The following SHQ1 variants were observed in gnomAD, a reference collection of about 807,000 sequenced individuals.
SHQ1 encodes the protein SHQ1, H/ACA ribonucleoprotein assembly factor.
In SHQ1, 49 loss-of-function variants were observed where a neutral mutation model predicts 53.8. That is an observed-to-expected ratio of 0.91 (90% CI 0.72 to 1.16). SHQ1 has a LOEUF of 1.16. Among genes scored for constraint, SHQ1 ranks in the 50% most tolerant of loss-of-function variants. SHQ1 has a pLI of 0.00. For missense variants in SHQ1, 738 were observed against 683.1 expected (o/e 1.08, Z -0.90); for synonymous variants, 243 against 251.0 (o/e 0.97, Z 0.30).
chr3:72,750,746 T>G lies in SHQ1; in HGVS notation c.1272A>C (p.Ala424=). ...QLGLELEELE[A]AALLVQEEET... ...CTTCCTCCTGGACAAGCAGTGCTGC[T>G]GCTTCTAGTTCTTCCAGTTCTAACC... The change falls in exon 11 of 11, where the codon GCA becomes GCC. Residue 424 remains alanine (A), a synonymous_variant. Coordinates refer to ENST00000325599, the MANE Select transcript of SHQ1 (RefSeq NM_018130.3). The G allele has an allele frequency of 6.4e-7, 1 of 1,553,412 alleles. No homozygotes were observed. The highest frequency in any genetic ancestry group is 8.7e-7 in the Non-Finnish European group (1 of 1,147,818).
intron 10 of SHQ1, among the ~76,000 whole-genome samples, chr3:72,757,743 T>C (rs1705527983): frequency 6.6e-6 from 1 of 152,152 alleles, no homozygotes; most frequent in African/African-American, 2.4e-5. Context: ...AATTACCGCA[T>C]GTTGTCACTT....
intron 4 of SHQ1, among the ~76,000 whole-genome samples, chr3:72,837,590 C>T (rs1348629695): frequency 2.0e-5 from 3 of 152,200 alleles, no homozygotes; most frequent in Non-Finnish European, 4.4e-5. Flanking sequence ...GTATGGACAT[C>T]TCTTCATCTA....
At chr3:72,729,768 A>T in the SHQ1 span, among the ~76,000 whole-genome samples, 55 of 152,186 alleles carry the variant, frequency 3.6e-4, no homozygotes, top group Non-Finnish European at 7.5e-4. Flanking sequence ...TCAAAAGCAA[A>T]ATTCCACAAA....
At chr3:72,759,155 A>T (rs189550271) in intron 10 of SHQ1, among the ~76,000 whole-genome samples, 1 of 152,278 alleles carries the variant, frequency 6.6e-6, no homozygotes, top group African/African-American at 2.4e-5. Flanking sequence ...CTCTAGCATG[A>T]CCTCATCTTA....
At chr3:72,796,186 G>A (rs1314809816) in intron 9 of SHQ1, among the ~76,000 whole-genome samples, 4 of 151,426 alleles carry the variant, frequency 2.6e-5, no homozygotes, top group African/African-American at 9.7e-5. Flanking sequence ...AAGAGTTCAT[G>A]TAAGGAAAAA....
intron 10 of SHQ1, chr3:72,772,477 A>C (rs1705875788): frequency 2.0e-6 from 1 of 497,490 alleles, no homozygotes; most frequent in African/African-American, 1.9e-5. Flanking sequence ...GGATCTTCAA[A>C]TGCACATACA....
the SHQ1 span, among the ~76,000 whole-genome samples, chr3:72,728,715 G>T: frequency 6.6e-6 from 1 of 152,188 alleles, no homozygotes; most frequent in African/African-American, 2.4e-5. Context: ...CTGGAAAAGG[G>T]ATGCAATTGC....
chr3:72,796,762 G>T (rs1706637719), intron 9 of SHQ1, among the ~76,000 whole-genome samples: 1 of 152,012 alleles, frequency 6.6e-6, no homozygotes, highest in African/African-American at 2.4e-5. Context: ...GGACGTTGCA[G>T]TGAGCAGAGA....
intron 4 of SHQ1, among the ~76,000 whole-genome samples, chr3:72,839,594 T>A (rs1708099255): frequency 6.6e-6 from 1 of 152,212 alleles, no homozygotes; most frequent in African/African-American, 2.4e-5. Context: ...CAAATTTATC[T>A]CCACTTTCCA....
the SHQ1 span, among the ~76,000 whole-genome samples, chr3:72,739,648 A>C: frequency 6.6e-6 from 1 of 151,998 alleles, no homozygotes; most frequent in East Asian, 1.9e-4. Flanking sequence ...GCTCCTCTGA[A>C]AATCAGAGGC....
chr3:72,792,494 A>T (rs559460229), intron 10 of SHQ1, among the ~76,000 whole-genome samples: 6 of 152,168 alleles, frequency 3.9e-5, no homozygotes, highest in South Asian at 2.1e-4. Context: ...TCTCATTAAA[A>T]CTTATTCCTG....
intron 5 of SHQ1, among the ~76,000 whole-genome samples, chr3:72,825,998 A>C (rs921344741): frequency 1.3e-5 from 2 of 152,144 alleles, no homozygotes; most frequent in African/African-American, 4.8e-5. Flanking sequence ...CAATATCCTC[A>C]TTTTACAAAG....
At chr3:72,825,361 T>TACACACACACACACACAC (rs61048915) in intron 5 of SHQ1, among the ~76,000 whole-genome samples, 310 of 141,954 alleles carry the variant, frequency 2.2e-3, no homozygotes, top group African/African-American at 7.8e-3. Flanking sequence ...TAAAAGGGGC[T>TACACACACACACACACAC]ACACACACAC....
intron 10 of SHQ1, among the ~76,000 whole-genome samples, chr3:72,770,742 G>A (rs1412362053): frequency 6.6e-6 from 1 of 152,140 alleles, no homozygotes; most frequent in African/African-American, 2.4e-5. Context: ...ATAGAAGACA[G>A]GAAAGAGGCA....
intron 10 of SHQ1, among the ~76,000 whole-genome samples, chr3:72,788,464 G>C (rs567683202): frequency 6.6e-6 from 1 of 151,992 alleles, no homozygotes; most frequent in African/African-American, 2.4e-5. Flanking sequence ...GAAGTGAGGA[G>C]CGTCTCCGCC....
intron 1 of SHQ1, 42 bp downstream of exon 1, chr3:72,848,156 T>C (rs1417865758): frequency 6.2e-7 from 1 of 1,612,718 alleles, no homozygotes; most frequent in Admixed American, 1.7e-5. Flanking sequence ...AGCAGCTATC[T>C]AACGAATGCG....
chr3:72,807,658 A>C (rs1430315001), intron 9 of SHQ1, among the ~76,000 whole-genome samples: 1 of 152,224 alleles, frequency 6.6e-6, no homozygotes, highest in East Asian at 1.9e-4. Context: ...TCACCTTTAA[A>C]GTCTCCTCCA....
rs1706480903 is a variant in SHQ1, at chr3:72,792,804, AAAAAAAAC to A, written c.1181+104_1181+111del. The A allele has an allele frequency of 4.2e-5, 33 of 781,880 alleles. 1 individual carries two copies. The highest frequency in any genetic ancestry group is 3.1e-4 in the African/African-American group (16 of 52,360). 48.4% of individuals were successfully genotyped at this position (781,880 alleles called of 1,614,324 possible). Reference sequence around the variant, plus strand: ...CATCTCAAAAAAAAAAAAAAAAAAAAAAAAAAACACAACTTACTCCTCAGGTTATTTCG... The same window carrying A: ...CATCTCAAAAAAAAAAAAAAAAAAAAACAACTTACTCCTCAGGTTATTTCG... On this transcript the variant is annotated intron_variant, in intron 10 of 10. Transcript: ENST00000325599.
rs1232543047 is a variant in SHQ1, at chr3:72,842,310, T to C, written c.301A>G (p.Arg101Gly). Residue 101 changes from arginine to glycine, a missense_variant, in exon 3 of 11, where the codon AGG becomes GGG. Transcript: ENST00000325599. ...TCTTCCACAAGTGGTTTTGCTGTCC[T>C]GGATTTTCTTGGTGCCAGAAGAGCA... ...LTALLAPRKSRTAKPLVEEIG... is the reference protein window; with the variant it reads ...LTALLAPRKSGTAKPLVEEIG... The C allele has an allele frequency of 1.2e-6, 2 of 1,613,868 alleles. No homozygotes were observed. The highest frequency in any genetic ancestry group is 3.3e-5 in the Admixed American group (2 of 60,022).
Sources: allele counts gnomAD v4.1 joint callset (sites outside exome capture counted in the v4.1 genomes callset), GRCh38; gene constraint gnomAD v4.1.1; transcripts MANE v1.5; gene names NCBI Gene and HGNC (gene_info 2026-07-23, HGNC 2026-07-21).